Variants in WSCD2 observed in about 807,000 individuals in gnomAD.
WSCD2 encodes WSC domain sialate O sulfotransferase 2, also known as sialate:O-sulfotransferase 2.
WSCD2 carries 28 observed loss-of-function variants against 55.7 expected under a neutral mutation model. The observed-to-expected ratio is 0.50, with a 90% CI of 0.37 to 0.69. WSCD2 has a LOEUF of 0.69. WSCD2 is among the 30% of genes least tolerant of loss of function. The probability of loss-of-function intolerance (pLI) is 0.00; values close to 1 mark genes in which losing one functional copy is unlikely to be tolerated. For synonymous variants in WSCD2, 301 were observed against 301.9 expected (o/e 1.00, Z 0.03); for missense variants, 616 against 762.1 (o/e 0.81, Z 2.26).
intron 1 of WSCD2, among the ~76,000 whole-genome samples, chr12:108,184,694 A>AG (rs1366528539): frequency 1.3e-5 from 2 of 152,188 alleles, no homozygotes; most frequent in Admixed American, 1.3e-4. Flanking sequence ...CTGGTGTCTA[A>AG]GGGCCCTTTG....
intron 1 of WSCD2, among the ~76,000 whole-genome samples, chr12:108,158,257 G>A (rs1035012310): frequency 6.6e-5 from 10 of 152,176 alleles, no homozygotes; most frequent in Non-Finnish European, 8.8e-5. Flanking sequence ...CTGGAGAGGC[G>A]TGGGTGATAG....
chr12:108,199,462 G>C (rs967687350), intron 2 of WSCD2, among the ~76,000 whole-genome samples: 8 of 152,216 alleles, frequency 5.3e-5, no homozygotes, highest in Non-Finnish European at 1.2e-4. Flanking sequence ...ATGGCCATGT[G>C]AGGGCCTGTA....
chr12:108,224,692 C>T, intron 4 of WSCD2, 47 bp from the exon 5 acceptor site: 1 of 1,586,812 alleles, frequency 6.3e-7, no homozygotes. Context: ...CCAACCAGAT[C>T]TGACTCCTTG....
At chr12:108,173,203 G>A (rs1442912438) in intron 1 of WSCD2, among the ~76,000 whole-genome samples, 2 of 152,176 alleles carry the variant, frequency 1.3e-5, no homozygotes, top group African/African-American at 4.8e-5. Context: ...CAAAGCCCCA[G>A]CTCATCCTGG....
At chr12:108,235,880 G>C (rs1191844337) in intron 7 of WSCD2, among the ~76,000 whole-genome samples, 1 of 152,128 alleles carries the variant, frequency 6.6e-6, no homozygotes, top group Non-Finnish European at 1.5e-5. Context: ...GGCAGTAGGG[G>C]TATAGACAAA....
intron 3 of WSCD2, among the ~76,000 whole-genome samples, chr12:108,208,615 A>G (rs940425013): frequency 6.6e-6 from 1 of 152,208 alleles, no homozygotes; most frequent in Non-Finnish European, 1.5e-5. Flanking sequence ...CAGGGTGCTC[A>G]GGTAGGCAGC....
chr12:108,186,050 C>G (rs1162548048), intron 1 of WSCD2, among the ~76,000 whole-genome samples: 1 of 152,162 alleles, frequency 6.6e-6, no homozygotes, highest in Non-Finnish European at 1.5e-5. Context: ...ACAAGGGAGA[C>G]TGTCAGCTCA....
At chr12:108,172,476 TAG>T (rs746772174) in intron 1 of WSCD2, among the ~76,000 whole-genome samples, 2 of 152,148 alleles carry the variant, frequency 1.3e-5, no homozygotes, top group African/African-American at 2.4e-5. Flanking sequence ...TATTTGGAAA[TAG>T]AGTCTTTGCA....
intron 6 of WSCD2, among the ~76,000 whole-genome samples, chr12:108,230,407 A>G (rs963396780): frequency 2.6e-5 from 4 of 152,178 alleles, no homozygotes; most frequent in Admixed American, 6.5e-5. Context: ...AGGAACCACA[A>G]TCGATTCTGT....
At chr12:108,161,632 A>G (rs543483889) in intron 1 of WSCD2, among the ~76,000 whole-genome samples, 123 of 152,324 alleles carry the variant, frequency 8.1e-4, no homozygotes, top group African/African-American at 2.9e-3. Flanking sequence ...ACCAGGAGAG[A>G]ATAAATTTCT....
chr12:108,240,361 G>A lies in WSCD2; in HGVS notation c.1162G>A (p.Asp388Asn), dbSNP rs371344222. ...LYNKGFKGERDHWRSGRTICI... is the reference protein window; with the variant it reads ...LYNKGFKGERNHWRSGRTICI... ...GCGGGAAGGGTTTAAAGGTGAGCGG[G>A]ACCACTGGCGCAGCGGACGGACCAT... Residue 388 changes from aspartate (D) to asparagine (N), a missense_variant, in exon 8 of 9, where the codon GAC becomes AAC. Physicochemically the swap from Asp to Asn is conservative, Grantham distance 23 (BLOSUM62 1). This residue lies in a region of WSCD2 where 234 missense variants were observed against 264.6 expected (regional missense o/e 0.88). Transcript: ENST00000547525. 2.5e-6 allele frequency: 4 copies of A among 1,613,946 alleles called. No individual in the cohort carries two copies. In the African/African-American group the frequency reaches 4.0e-5, roughly 16 times the overall value.
intron 7 of WSCD2, among the ~76,000 whole-genome samples, chr12:108,239,006 CA>C (rs1477273820): frequency 2.0e-5 from 3 of 152,196 alleles, no homozygotes; most frequent in African/African-American, 7.2e-5. Context: ...GACTAGTCTC[CA>C]GCTGCACAGA....
At chr12:108,140,835 A>C (rs1876720741) in intron 1 of WSCD2, among the ~76,000 whole-genome samples, 1 of 152,226 alleles carries the variant, frequency 6.6e-6, no homozygotes, top group Non-Finnish European at 1.5e-5. Context: ...CCCAGGGAGC[A>C]GCCGGCCAGC....
chr12:108,179,095 T>C (rs183397560), intron 1 of WSCD2, among the ~76,000 whole-genome samples: 1 of 152,272 alleles, frequency 6.6e-6, no homozygotes, highest in East Asian at 1.9e-4. Flanking sequence ...GAGTTTTTTT[T>C]CCGGCCTCCT....
At chr12:108,134,897 T>C (rs1163319622) in intron 1 of WSCD2, among the ~76,000 whole-genome samples, 2 of 152,194 alleles carry the variant, frequency 1.3e-5, no homozygotes, top group African/African-American at 4.8e-5. Flanking sequence ...GAAGCCAGGC[T>C]TTCTGGGATT....
chr12:108,200,910 C>T (rs979364961), intron 2 of WSCD2, among the ~76,000 whole-genome samples: 1 of 152,164 alleles, frequency 6.6e-6, no homozygotes, highest in African/African-American at 2.4e-5. Flanking sequence ...TACAAGGAAA[C>T]CCAGGCAGCA....
intron 1 of WSCD2, among the ~76,000 whole-genome samples, chr12:108,159,648 A>G (rs1027564019): frequency 4.6e-5 from 7 of 151,870 alleles, no homozygotes; most frequent in Non-Finnish European, 1.0e-4. Flanking sequence ...TGAAATCCCC[A>G]CTCCAACTGC....
chr12:108,184,110 A>T (rs564798053), intron 1 of WSCD2, among the ~76,000 whole-genome samples: 1 of 152,254 alleles, frequency 6.6e-6, no homozygotes, highest in South Asian at 2.1e-4. Flanking sequence ...CAGTTACCCC[A>T]TATGTCTGTG....
chr12:108,196,027 C>A lies in WSCD2; in HGVS notation c.195C>A (p.Ser65=). 6.2e-7 allele frequency: 1 copy of A among 1,614,202 alleles called. No individual in the cohort carries two copies. The highest frequency in any genetic ancestry group is 8.5e-7 in the Non-Finnish European group (1 of 1,180,032). ...AGGPAEGAEL[S]FLGDMHLGRG... ...GCCCAGCTGAGGGTGCTGAGCTGTCCTTCTTGGGTGACATGCATCTGGGCA... is the reference window on the plus strand; with the variant it reads ...GCCCAGCTGAGGGTGCTGAGCTGTCATTCTTGGGTGACATGCATCTGGGCA... The change falls in exon 2 of 9, where the codon TCC becomes TCA. Residue 65 remains serine, a synonymous_variant. Transcript: ENST00000547525.
Sources: gnomAD v4.1 joint callset for allele counts (sites outside exome capture counted in the v4.1 genomes callset) on GRCh38, gnomAD v4.1.1 for gene constraint, gnomAD v4.1.1 regional missense constraint, MANE v1.5 for transcripts, NCBI Gene and HGNC (gene_info 2026-07-23, HGNC 2026-07-21) for gene names.